The following TIMM44 variants were observed in gnomAD, a reference collection of about 807,000 sequenced individuals.
The protein encoded by TIMM44 is translocase of inner mitochondrial membrane 44.
A neutral mutation model predicts 63.8 loss-of-function variants in TIMM44; 37 were observed. That is an observed-to-expected ratio of 0.58 (90% CI 0.45 to 0.76). TIMM44 has a LOEUF of 0.76. Ranked by LOEUF, TIMM44 falls within the 30% of genes least tolerant of loss-of-function variation. TIMM44 has a pLI of 0.00. For missense variants in TIMM44, 573 were observed against 603.8 expected, an observed-to-expected ratio of 0.95 and a Z score of 0.54; for synonymous variants, 239 against 245.1, an observed-to-expected ratio of 0.98 and a Z score of 0.23.
intron 8 of TIMM44, 23 bp from the exon 9 acceptor site, chr19:7,932,774 T>A: frequency 6.2e-7 from 1 of 1,613,846 alleles, no homozygotes; most frequent in Non-Finnish European, 8.5e-7. Context: ...GAGCCGGGAG[T>A]TCGGGGGGAA....
At chr19:7,936,164 AACTAGGCTGGGC>A (rs747785797) in intron 3 of TIMM44, among the ~76,000 whole-genome samples, 3 of 152,064 alleles carry the variant, frequency 2.0e-5, no homozygotes, top group African/African-American at 4.8e-5. Flanking sequence ...CAAAAAACCA[AACTAGGCTGGGC>A]ACGGTGGCTC....
intron 12 of TIMM44, 145 bp from the exon 13 acceptor site, chr19:7,927,451 A>C: frequency 1.8e-6 from 2 of 1,122,098 alleles, no homozygotes; most frequent in Non-Finnish European, 2.7e-6. Context: ...GCCTAGACTC[A>C]GGAACCACTC....
Position 7,927,256 on chromosome 19 carries a change from G to T in TIMM44, c.1290C>A (p.Asp430Glu), listed in dbSNP as rs771710174. The T allele has an allele frequency of 6.2e-6, 10 of 1,612,428 alleles. No homozygotes were observed. Among genetic ancestry groups the T allele is most frequent in the Middle Eastern group, 1.8e-4 (1 of 5,654 alleles). The change falls in exon 13 of 13, where the codon GAC (aspartate) becomes GAA (glutamate). Residue 430 changes from aspartate to glutamate, a missense_variant. Asp to Glu is a conservative substitution (Grantham distance 45). Coordinates refer to ENST00000270538, the MANE Select transcript of TIMM44 (RefSeq NM_006351.4). ...GCCAGGCCGCGTAGGGGTTGAGCTC[G>T]TCCTGGTCTCGGCAGAGCGCCCACA... ...LYVWALCRDQ[D>E]ELNPYAAWRL...
chr19:7,931,462 C>G, intron 9 of TIMM44: 1 of 485,788 alleles, frequency 2.1e-6, no homozygotes, highest in Admixed American at 3.4e-5. Flanking sequence ...CCCCTGGAAC[C>G]TGGTGGAGGA....
In TIMM44 at chr19:7,927,220, G is replaced by A. The variant is rs1355510493; in HGVS notation, c.1326C>T (p.Asp442=). ...LNPYAAWRLL[D]ISASSTEQIL ...TCTGCTCGGTGCTGGAGGCCGAGAT[G>A]TCCAGGAGCCGCCAGGCCGCGTAGG... Residue 442 remains aspartate (D), a synonymous_variant, in exon 13 of 13, where the codon GAC becomes GAT. Transcript: ENST00000270538. 1 of 1,611,746 alleles carries A rather than the reference G, an allele frequency of 6.2e-7. No homozygotes were observed.
At chr19:7,941,016 C>G in intron 2 of TIMM44, 86 bp downstream of exon 2, 2 of 1,105,202 alleles carry the variant, frequency 1.8e-6, no homozygotes, top group Non-Finnish European at 2.8e-6. Context: ...GCCACCTCTA[C>G]AGCCCCACCC....
At chr19:7,936,979 G>A (rs1272507805) in intron 3 of TIMM44, among the ~76,000 whole-genome samples, 1 of 151,922 alleles carries the variant, frequency 6.6e-6, no homozygotes, top group Non-Finnish European at 1.5e-5. Context: ...GTGTGTGTCT[G>A]TAATCCCAGC....
intron 9 of TIMM44, among the ~76,000 whole-genome samples, chr19:7,932,101 C>A (rs1196753378): frequency 2.6e-5 from 4 of 152,212 alleles, no homozygotes; most frequent in African/African-American, 9.6e-5. Flanking sequence ...GCAGGGAAGA[C>A]AAGAGGCCAC....
chr19:7,929,733 C>T (rs184305864), intron 10 of TIMM44, among the ~76,000 whole-genome samples: 75 of 152,248 alleles, frequency 4.9e-4, no homozygotes, highest in African/African-American at 1.7e-3. Context: ...CCCTGACCCC[C>T]GGCCCCAGCC....
rs1984067098 is a variant in TIMM44, at chr19:7,934,005, T to TG, written c.544-3dup. 1 of 1,603,644 alleles carries TG rather than the reference T, an allele frequency of 6.2e-7. No individual in the cohort carries two copies. Among genetic ancestry groups the TG allele is most frequent in the African/African-American group, 1.3e-5 (1 of 74,472 alleles). ...TTCCTTCTTCACGGACTCCACCCCC[T>TG]GCGAGGGAGGCACAGCGGGGCTGGG... On this transcript the variant is annotated splice_region_variant and splice_polypyrimidine_tract_variant and intron_variant, in intron 5 of 12. Transcript: ENST00000270538. The surrounding 1 kb of genome is among the most constrained non-coding windows in gnomAD (Gnocchi z 5.3).
In TIMM44 at chr19:7,928,888, C is replaced by T. The variant is rs560229547; in HGVS notation, c.1039-722G>A. 5 of 125,658 alleles carry T rather than the reference C, an allele frequency of 4.0e-5. No homozygotes were observed. In the East Asian group the frequency reaches 1.2e-3, roughly 29 times the overall value. The allele number at this position is 125,658 out of a possible 1,614,324, so 7.8% of individuals were successfully genotyped here. Reference sequence around the variant, plus strand: ...CCCTGGCAAAGCGAGTCAGCTGTGGCGTAATGGTCCCAAGGTAAAAACAAA... The same window carrying T: ...CCCTGGCAAAGCGAGTCAGCTGTGGTGTAATGGTCCCAAGGTAAAAACAAA... On this transcript the variant is annotated intron_variant, in intron 10 of 12. Transcript: ENST00000270538.
In TIMM44 at chr19:7,933,718, C is replaced by A. The variant is rs1451221219; in HGVS notation, c.683+146G>T. 5 of 1,393,420 alleles carry A rather than the reference C, an allele frequency of 3.6e-6. No individual in the cohort carries two copies. The highest frequency in any genetic ancestry group is 4.0e-6 in the Non-Finnish European group (4 of 989,532). 86.3% of individuals were successfully genotyped at this position (1,393,420 alleles called of 1,614,324 possible). ...TGAGGACCCCGCCCTCACCTCTCAC[C>A]CTCAAATTCGAGGGAGCCGGGAACC... On this transcript the variant is annotated intron_variant, in intron 6 of 12. Transcript: ENST00000270538. The surrounding 1 kb of genome is among the most constrained non-coding windows in gnomAD (Gnocchi z 4.3).
chr19:7,935,765 C>T (rs1389935704), intron 3 of TIMM44, among the ~76,000 whole-genome samples: 1 of 152,178 alleles, frequency 6.6e-6, no homozygotes, highest in Admixed American at 6.5e-5. Flanking sequence ...TCACTGTGCC[C>T]CTCATCCAGC....
chr19:7,927,317 G>A lies in TIMM44; in HGVS notation c.1240-11C>T. ...CCGCAGCACCTTGTCCTGCAGGGTG[G>A]GGTGGGAAGGGCACTGTTGAGAGGG... On this transcript the variant is annotated splice_polypyrimidine_tract_variant and intron_variant, in intron 12 of 12. Transcript: ENST00000270538. 6.2e-7 allele frequency: 1 copy of A among 1,609,382 alleles called. No homozygotes were observed. The highest frequency in any genetic ancestry group is 8.5e-7 in the Non-Finnish European group (1 of 1,179,942).
chr19:7,933,622 T>G lies in TIMM44; in HGVS notation c.684-52A>C, dbSNP rs778760570. 9.2e-6 allele frequency: 14 copies of G among 1,517,334 alleles called. No homozygotes were observed. The highest frequency in any genetic ancestry group is 1.3e-5 in the Non-Finnish European group (14 of 1,092,624). 94.0% of individuals were successfully genotyped at this position (1,517,334 alleles called of 1,614,324 possible). ...GAGCGGCGGCGCCAGGGCCACCCTG[T>G]GCCCTCCTGCGGCTGCAGGCAGGGG... On this transcript the variant is annotated intron_variant, in intron 6 of 12. Coordinates refer to ENST00000270538, the MANE Select transcript of TIMM44 (RefSeq NM_006351.4). This position sits in a 1 kb window ranked among gnomAD's most constrained non-coding sequence, Gnocchi z 4.3.
rs1984366093 is a variant in TIMM44 at position 7,943,499 on chromosome 19, G to A, written c.45+108C>T. ...AAGATCTAACCCCAAGCTTTCTAAG[G>A]AGCCCAAGCAAGGGTCGCGAAGGCC... On this transcript the variant is annotated intron_variant, in intron 1 of 12. Transcript: ENST00000270538. The surrounding 1 kb of genome is among the most constrained non-coding windows in gnomAD (Gnocchi z 4.3). The A allele has an allele frequency of 2.3e-6, 3 of 1,287,554 alleles. No homozygotes were observed. Among genetic ancestry groups the A allele is most frequent in the African/African-American group, 1.5e-5 (1 of 68,118 alleles). 79.8% of individuals were successfully genotyped at this position (1,287,554 alleles called of 1,614,324 possible). A position where few individuals can be genotyped will look rare whatever the true frequency, so the allele number is the denominator to read the frequency against.
Position 7,933,788 on chromosome 19 carries a change from T to C in TIMM44, c.683+76A>G, listed in dbSNP as rs550930659. On this transcript the variant is annotated intron_variant, in intron 6 of 12. Transcript: ENST00000270538. This position sits in a 1 kb window ranked among gnomAD's most constrained non-coding sequence, Gnocchi z 4.3. ...AAGAAACGGACTCAGGAGGGAACCA[T>C]TGGTGGGCTCCCGAAATGGACAGCA... 137 of 1,591,656 alleles carry C rather than the reference T, an allele frequency of 8.6e-5. 1 individual carries two copies. The African/African-American group carries it at 1.3e-3, about 16-fold the overall frequency.
Position 7,933,625 on chromosome 19 carries a change from C to A in TIMM44, c.684-55G>T. 1 of 1,509,914 alleles carries A rather than the reference C, an allele frequency of 6.6e-7. No individual in the cohort carries two copies. The highest frequency in any genetic ancestry group is 9.2e-7 in the Non-Finnish European group (1 of 1,085,898). The allele number at this position is 1,509,914 out of a possible 1,614,324, so 93.5% of individuals were successfully genotyped here. On this transcript the variant is annotated intron_variant, in intron 6 of 12. Transcript: ENST00000270538. This position sits in a 1 kb window ranked among gnomAD's most constrained non-coding sequence, Gnocchi z 4.3. Reference sequence around the variant, plus strand: ...CGGCGGCGCCAGGGCCACCCTGTGCCCTCCTGCGGCTGCAGGCAGGGGGCA... The same window carrying A: ...CGGCGGCGCCAGGGCCACCCTGTGCACTCCTGCGGCTGCAGGCAGGGGGCA...
Position 7,933,442 on chromosome 19 carries a change from GC to G in TIMM44, c.769+42del, listed in dbSNP as rs771884931. The stretch of plus-strand genomic sequence containing the variant: ...GGGATCACCTTGCGGTCCACCAACT[GC>G]CCGGGACACAGTCACCTGCCCTCCA... On this transcript the variant is annotated intron_variant, in intron 7 of 12. Coordinates refer to ENST00000270538, the MANE Select transcript of TIMM44 (RefSeq NM_006351.4). This position sits in a 1 kb window ranked among gnomAD's most constrained non-coding sequence, Gnocchi z 4.3. The G allele has an allele frequency of 1.9e-6, 3 of 1,574,760 alleles. No homozygotes were observed. In the South Asian group the frequency reaches 3.3e-5, roughly 17 times the overall value.
Sources: gnomAD v4.1 joint callset for allele counts (sites outside exome capture counted in the v4.1 genomes callset) on GRCh38, gnomAD v4.1.1 for gene constraint, Gnocchi (gnomAD v3.1) non-coding constraint, MANE v1.5 for transcripts, NCBI Gene and HGNC (gene_info 2026-07-23, HGNC 2026-07-21) for gene names.